The following PCDHGA2 variants were observed in gnomAD, a reference collection of about 807,000 sequenced individuals.
PCDHGA2 encodes protocadherin gamma-A2.
Under a neutral mutation model 59.2 loss-of-function variants are expected in PCDHGA2, and 40 were observed. The ratio of observed to expected loss-of-function variants is 0.68; its 90% CI spans 0.52 to 0.88. PCDHGA2 has a LOEUF of 0.88. Among genes scored for constraint, PCDHGA2 ranks in the 40% least tolerant of loss-of-function variants. The pLI, the probability that PCDHGA2 is intolerant of heterozygous loss-of-function variation, is 0.00. For missense variants in PCDHGA2, 1,226 were observed against 1,204.0 expected (o/e 1.02, Z -0.27); for synonymous variants, 560 against 526.0 (o/e 1.06, Z -0.89).
intron 1 of PCDHGA2, among the ~76,000 whole-genome samples, chr5:141,438,788 A>G (rs1024095720): frequency 3.3e-5 from 5 of 149,742 alleles, no homozygotes; most frequent in Non-Finnish European, 7.4e-5. Flanking sequence ...CAGCCTCTCC[A>G]GTAGCTGGGA....
intron 3 of PCDHGA2, among the ~76,000 whole-genome samples, chr5:141,507,617 C>T (rs1366723844): frequency 6.6e-6 from 1 of 152,278 alleles, no homozygotes; most frequent in African/African-American, 2.4e-5. Context: ...GTATATTTAG[C>T]TGTTGTGGCC....
At chr5:141,470,252 C>T (rs1010559144) in intron 1 of PCDHGA2, among the ~76,000 whole-genome samples, 3 of 152,160 alleles carry the variant, frequency 2.0e-5, no homozygotes, top group Admixed American at 1.3e-4. Context: ...TCCCACCTGT[C>T]TAAATGGAGA....
chr5:141,356,111 TG>T, intron 1 of PCDHGA2: 1 of 1,613,818 alleles, frequency 6.2e-7, no homozygotes. Flanking sequence ...ATAACAATAT[TG>T]GGGGGTCTAG....
intron 1 of PCDHGA2, chr5:141,352,339 C>T: frequency 1.9e-6 from 3 of 1,614,082 alleles, no homozygotes; most frequent in Non-Finnish European, 2.5e-6. Flanking sequence ...TGGCCTTGGC[C>T]TTGATCTCAG....
In PCDHGA2 at chr5:141,408,945, G is replaced by A. The variant is rs1176579339; in HGVS notation, c.2424+67550G>A. 21 of 1,613,590 alleles carry A rather than the reference G, an allele frequency of 1.3e-5. No individual in the cohort carries two copies. In the East Asian group the frequency reaches 4.7e-4, roughly 36 times the overall value. Reference sequence around the variant, plus strand: ...CCGGTTTTCAGCAGAGACGAATATAGAATTAGTCTTAGTGAAAATCTGCCC... The same window carrying A: ...CCGGTTTTCAGCAGAGACGAATATAAAATTAGTCTTAGTGAAAATCTGCCC... On this transcript the variant is annotated intron_variant, in intron 1 of 3. Coordinates refer to ENST00000394576, the MANE Select transcript of PCDHGA2 (RefSeq NM_018915.4).
At chr5:141,465,905 G>C (rs938438286) in intron 1 of PCDHGA2, among the ~76,000 whole-genome samples, 8 of 151,958 alleles carry the variant, frequency 5.3e-5, no homozygotes, top group Non-Finnish European at 8.8e-5. Context: ...GGCAAATCAC[G>C]AGGTCAGGAT....
At position 141,512,091 on chromosome 5, in the gene PCDHGA2, A is replaced by C. The variant is rs1329025049; in HGVS notation, c.*918A>C. On this transcript the variant is annotated 3_prime_UTR_variant, in exon 4 of 4. Transcript: ENST00000394576. The stretch of plus-strand genomic sequence containing the variant: ...TCCAGATTCCAGCCATAAACCAATA[A>C]CTAGGCTGGACCCTTCCCACTACAT... 1 of 152,656 alleles carries C rather than the reference A, an allele frequency of 6.6e-6. No homozygotes were observed. The highest frequency in any genetic ancestry group is 2.4e-5 in the African/African-American group (1 of 41,456). 9.5% of individuals were successfully genotyped at this position (152,656 alleles called of 1,614,324 possible). A position where few individuals can be genotyped will look rare whatever the true frequency, so the allele number is the denominator to read the frequency against.
chr5:141,362,225 C>T, intron 1 of PCDHGA2: 1 of 1,614,040 alleles, frequency 6.2e-7, no homozygotes, highest in Non-Finnish European at 8.5e-7. Context: ...GTGGCCTTGG[C>T]CTTGATCTCA....
chr5:141,359,502 A>G (rs780869952), intron 1 of PCDHGA2, among the ~76,000 whole-genome samples: 11 of 151,356 alleles, frequency 7.3e-5, no homozygotes, highest in Middle Eastern at 3.4e-3. Flanking sequence ...GGACTACTAG[A>G]TAACTATATT....
At chr5:141,375,315 A>T (rs372335399) in intron 1 of PCDHGA2, 6 of 1,613,674 alleles carry the variant, frequency 3.7e-6, no homozygotes, top group Non-Finnish European at 5.1e-6. Flanking sequence ...GCAGCTCTAG[A>T]CCGGGAAGAG....
Position 141,375,571 on chromosome 5 carries a change from C to T in PCDHGA2, c.2424+34176C>T, listed in dbSNP as rs760580799. On this transcript the variant is annotated intron_variant, in intron 1 of 3. Coordinates refer to ENST00000394576, the MANE Select transcript of PCDHGA2 (RefSeq NM_018915.4). Reference sequence around the variant, plus strand: ...CCTACTCACTGGCAGAAGACACCCTCCAGGGGGCGCCCCTGTCCTCCTACG... The same window carrying T: ...CCTACTCACTGGCAGAAGACACCCTTCAGGGGGCGCCCCTGTCCTCCTACG... 15 of 1,613,962 alleles carry T rather than the reference C, an allele frequency of 9.3e-6. No individual in the cohort carries two copies. In the Admixed American group the frequency reaches 2.3e-4, roughly 25 times the overall value.
At position 141,477,984 on chromosome 5, in the gene PCDHGA2, T is replaced by A; in HGVS notation, c.2425-16823T>A. On this transcript the variant is annotated intron_variant, in intron 1 of 3. Coordinates refer to ENST00000394576, the MANE Select transcript of PCDHGA2 (RefSeq NM_018915.4). This position sits in a 1 kb window ranked among gnomAD's most constrained non-coding sequence, Gnocchi z 4.9. ...AACCAGAGCCTTTTTGCCATAGGGC[T>A]GCACACTGGTCAAATCAGTACTGCC... 6.2e-7 allele frequency: 1 copy of A among 1,614,146 alleles called. No homozygotes were observed. The highest frequency in any genetic ancestry group is 8.5e-7 in the Non-Finnish European group (1 of 1,180,028).
chr5:141,475,013 G>T (rs950376592), intron 1 of PCDHGA2, among the ~76,000 whole-genome samples: 1 of 152,176 alleles, frequency 6.6e-6, no homozygotes, highest in African/African-American at 2.4e-5. Context: ...AAAAGTTAAG[G>T]CTCTTTATTC....
intron 1 of PCDHGA2, among the ~76,000 whole-genome samples, chr5:141,492,418 C>T (rs1428695013): frequency 2.0e-5 from 3 of 152,236 alleles, no homozygotes; most frequent in Admixed American, 1.3e-4. Flanking sequence ...CCGCTCCCTC[C>T]GCCGGGCTCA....
At chr5:141,348,751 A>G (rs1347610268) in intron 1 of PCDHGA2, among the ~76,000 whole-genome samples, 1 of 152,230 alleles carries the variant, frequency 6.6e-6, no homozygotes, top group African/African-American at 2.4e-5. Context: ...AAAGGAATGG[A>G]AAGTATAAAG....
Position 141,398,413 on chromosome 5 carries a change from T to C in PCDHGA2, c.2424+57018T>C, listed in dbSNP as rs774602022. On this transcript the variant is annotated intron_variant, in intron 1 of 3. Transcript: ENST00000394576. ...CAGCAGGCTAGACAGGGAGGAGATA[T>C]GCGGGAAGAAGCCAGCTTGTGCTCT... 7.0e-5 allele frequency: 104 copies of C among 1,490,692 alleles called. 1 individual carries two copies. Among genetic ancestry groups the C allele is most frequent in the Middle Eastern group, 6.1e-4 (3 of 4,950 alleles). The allele number at this position is 1,490,692 out of a possible 1,614,324, so 92.3% of individuals were successfully genotyped here.
intron 1 of PCDHGA2, chr5:141,389,822 C>T (rs1253797821): frequency 1.2e-6 from 2 of 1,613,932 alleles, no homozygotes; most frequent in Non-Finnish European, 1.7e-6. Flanking sequence ...CCGTGCGTGA[C>T]GGTGGACAGC....
At chr5:141,369,576 C>T (rs1388999909) in intron 1 of PCDHGA2, among the ~76,000 whole-genome samples, 1 of 152,202 alleles carries the variant, frequency 6.6e-6, no homozygotes, top group Non-Finnish European at 1.5e-5. Context: ...AAGAGACCCT[C>T]TTGCTTTTTA....
In PCDHGA2 at chr5:141,486,001, C is replaced by T. The variant is rs771993915; in HGVS notation, c.2425-8806C>T. ...ACCCGGACCTGGGTCCCAGTGGTAA[C>T]GTCACCTTTTATTTCAGTGGTCATA... On this transcript the variant is annotated intron_variant, in intron 1 of 3. Coordinates refer to ENST00000394576, the MANE Select transcript of PCDHGA2 (RefSeq NM_018915.4). This position sits in a 1 kb window ranked among gnomAD's most constrained non-coding sequence, Gnocchi z 5.0. The T allele has an allele frequency of 2.5e-6, 4 of 1,614,076 alleles. No homozygotes were observed. The highest frequency in any genetic ancestry group is 8.5e-7 in the Non-Finnish European group (1 of 1,180,032).
Sources: gnomAD v4.1 joint callset for allele counts (sites outside exome capture counted in the v4.1 genomes callset) on GRCh38, gnomAD v4.1.1 for gene constraint, Gnocchi (gnomAD v3.1) non-coding constraint, MANE v1.5 for transcripts, NCBI Gene and HGNC (gene_info 2026-07-23, HGNC 2026-07-21) for gene names.